Variants in TRHDE observed in about 807,000 individuals in gnomAD.
TRHDE encodes the protein thyrotropin-releasing hormone-degrading ectoenzyme.
Under a neutral mutation model 125.7 loss-of-function variants are expected in TRHDE, and 72 were observed. The ratio of observed to expected loss-of-function variants is 0.57; its 90% CI spans 0.47 to 0.70. The LOEUF is 0.70. Among genes scored for constraint, TRHDE ranks in the 30% least tolerant of loss-of-function variants. The pLI is 0.00. For synonymous variants in TRHDE, 509 were observed against 509.1 expected, an observed-to-expected ratio of 1.00 and a Z score of 0.00; for missense variants, 1,110 against 1,327.1, an observed-to-expected ratio of 0.84 and a Z score of 2.54.
chr12:72,469,883 A>G lies in TRHDE; in HGVS notation c.1441A>G (p.Met481Val), dbSNP rs1274442046. The G allele has an allele frequency of 3.1e-6, 5 of 1,613,984 alleles. No homozygotes were observed. Among genetic ancestry groups the G allele is most frequent in the African/African-American group, 1.3e-5 (1 of 74,924 alleles). Residue 481 changes from methionine to valine, a missense_variant, in exon 4 of 19, where the codon ATG (methionine) becomes GTG (valine). Physicochemically the swap from Met to Val is conservative, Grantham distance 21 (BLOSUM62 1). Coordinates refer to ENST00000261180, the MANE Select transcript of TRHDE (RefSeq NM_013381.3). ...SSISYLLDVT[M>V]VIVHEICHQW... is the part of the protein sequence containing the mutation. ...TATTTCTTATTTGCTGGATGTCACC[A>G]TGGTCATTGTTCATGAGATATGTCA...
At chr12:72,539,621 A>C (rs1262737446) in intron 6 of TRHDE, among the ~76,000 whole-genome samples, 1 of 151,900 alleles carries the variant, frequency 6.6e-6, no homozygotes, top group Non-Finnish European at 1.5e-5. Flanking sequence ...AAATGGCTAC[A>C]ATGTAAAATA....
At chr12:72,390,137 G>C (rs1378557029) in intron 3 of TRHDE, among the ~76,000 whole-genome samples, 1 of 152,206 alleles carries the variant, frequency 6.6e-6, no homozygotes, top group Non-Finnish European at 1.5e-5. Context: ...TGTAGCTATA[G>C]TACAAAGGAC....
intron 2 of TRHDE, among the ~76,000 whole-genome samples, chr12:72,144,308 C>A (rs75418813): frequency 0.035 from 5,305 of 152,328 alleles, 149 homozygotes; most frequent in African/African-American, 0.082. Context: ...CATCCTTTAA[C>A]GTTCTGGCTG....
At chr12:72,448,841 T>G (rs769707161) in intron 3 of TRHDE, among the ~76,000 whole-genome samples, 5 of 151,914 alleles carry the variant, frequency 3.3e-5, no homozygotes, top group Non-Finnish European at 7.4e-5. Flanking sequence ...TTTACTTTTT[T>G]TTTTTGTATG....
chr12:72,355,864 C>T (rs1170072711), intron 2 of TRHDE, among the ~76,000 whole-genome samples: 2 of 151,780 alleles, frequency 1.3e-5, no homozygotes, highest in Non-Finnish European at 1.5e-5. Flanking sequence ...CCATCTCACA[C>T]CAGCCAGAAT....
chr12:72,231,901 C>T (rs1267413666), intron 2 of TRHDE, among the ~76,000 whole-genome samples: 7 of 152,092 alleles, frequency 4.6e-5, no homozygotes, highest in South Asian at 4.1e-4. Flanking sequence ...AGCTAATTAA[C>T]GTGCCTTTTA....
chr12:72,336,105 G>A (rs1869821200), intron 2 of TRHDE, among the ~76,000 whole-genome samples: 1 of 152,148 alleles, frequency 6.6e-6, no homozygotes, highest in African/African-American at 2.4e-5. Flanking sequence ...CCAATATAAG[G>A]AGAAAAGAAT....
At chr12:72,430,472 CAT>C (rs957514682) in intron 3 of TRHDE, among the ~76,000 whole-genome samples, 17 of 147,916 alleles carry the variant, frequency 1.1e-4, no homozygotes, top group East Asian at 9.9e-4. Flanking sequence ...TATATACACA[CAT>C]ATATATATAC....
chr12:72,633,891 C>A (rs1392731518), intron 15 of TRHDE, among the ~76,000 whole-genome samples: 2 of 152,062 alleles, frequency 1.3e-5, no homozygotes, highest in African/African-American at 4.8e-5. Flanking sequence ...CTTATTTTTA[C>A]TACTGCTTTT....
chr12:72,091,305 C>T lies in TRHDE; in HGVS notation n.174+3866C>T, dbSNP rs967532957. On this transcript the variant is annotated intron_variant and non_coding_transcript_variant, in intron 1 of 4. Transcript: ENST00000548156. ...CTTCAAATCCCTATATGGTTATGCA[C>T]ATAAATTTTGCATTTATTATCAGGG... Among the ~76,000 whole-genome samples the T allele has an allele frequency of 2.0e-5, 3 of 152,160 alleles. No homozygotes were observed. The East Asian group carries it at 5.8e-4, about 29-fold the overall frequency.
At chr12:72,207,877 C>A (rs1216904953) in intron 2 of TRHDE, among the ~76,000 whole-genome samples, 1 of 152,130 alleles carries the variant, frequency 6.6e-6, no homozygotes, top group Non-Finnish European at 1.5e-5. Flanking sequence ...TTCTAGGCAT[C>A]TCTGGGAGGG....
At position 72,424,242 on chromosome 12, in the gene TRHDE, G is replaced by A. The variant is rs774758402; in HGVS notation, c.1316-45516G>A. Among the ~76,000 whole-genome samples the A allele has an allele frequency of 2.0e-4, 30 of 152,026 alleles. 1 individual carries two copies. The highest frequency in any genetic ancestry group is 4.1e-4 in the South Asian group (2 of 4,824). On this transcript the variant is annotated intron_variant, in intron 3 of 18. Coordinates refer to ENST00000261180, the MANE Select transcript of TRHDE (RefSeq NM_013381.3). Reference sequence around the variant, plus strand: ...GATACTTGGTGGTCCTTGGCTTGCCGTTGCCACACTCCAGTCTCTGCCTCT... The same window carrying A: ...GATACTTGGTGGTCCTTGGCTTGCCATTGCCACACTCCAGTCTCTGCCTCT...
chr12:72,232,449 A>C (rs1878265182), intron 2 of TRHDE, among the ~76,000 whole-genome samples: 1 of 152,152 alleles, frequency 6.6e-6, no homozygotes, highest in African/African-American at 2.4e-5. Context: ...GTTTGTGTGT[A>C]AAAGTGGACT....
At chr12:72,242,869 G>A (rs945773989) in intron 2 of TRHDE, among the ~76,000 whole-genome samples, 22 of 152,242 alleles carry the variant, frequency 1.4e-4, no homozygotes, top group African/African-American at 4.6e-4. Flanking sequence ...AACCAAAATC[G>A]TAACACCCCA....
chr12:72,622,839 C>T (rs1873109432), intron 15 of TRHDE, among the ~76,000 whole-genome samples: 1 of 152,014 alleles, frequency 6.6e-6, no homozygotes, highest in African/African-American at 2.4e-5. Flanking sequence ...TAATACCTCA[C>T]CTTCCTGTAG....
chr12:72,379,007 C>G (rs1444556749), intron 3 of TRHDE, among the ~76,000 whole-genome samples: 1 of 152,192 alleles, frequency 6.6e-6, no homozygotes, highest in Non-Finnish European at 1.5e-5. Flanking sequence ...CCCCTCTCTT[C>G]CCTCCTCTTC....
chr12:72,122,316 C>T (rs1875604612), intron 2 of TRHDE, among the ~76,000 whole-genome samples: 1 of 152,056 alleles, frequency 6.6e-6, no homozygotes, highest in African/African-American at 2.4e-5. Context: ...GTGATTAAAC[C>T]CTAACTGACA....
At chr12:72,378,366 C>G (rs915177761) in intron 3 of TRHDE, among the ~76,000 whole-genome samples, 10 of 152,070 alleles carry the variant, frequency 6.6e-5, no homozygotes, top group Admixed American at 5.9e-4. Flanking sequence ...AAAAGACAAG[C>G]CAAATAGCTA....
At chr12:72,250,307 GA>G (rs1878652648) in intron 2 of TRHDE, among the ~76,000 whole-genome samples, 2 of 152,140 alleles carry the variant, frequency 1.3e-5, no homozygotes, top group African/African-American at 4.8e-5. Context: ...AATTGTTATA[GA>G]AGTTTGGAGA....
Sources: gnomAD v4.1 joint callset for allele counts (sites outside exome capture counted in the v4.1 genomes callset) on GRCh38, gnomAD v4.1.1 for gene constraint, MANE v1.5 for transcripts, NCBI Gene and HGNC (gene_info 2026-07-23, HGNC 2026-07-21) for gene names.